Variants in MLKL observed in about 807,000 individuals in gnomAD.
The protein encoded by MLKL is mixed lineage kinase domain-like protein.
A neutral mutation model predicts 56.5 loss-of-function variants in MLKL; 55 were observed. That is an observed-to-expected ratio of 0.97 (90% CI 0.78 to 1.22). The LOEUF (loss-of-function observed/expected upper bound fraction) is 1.22, where lower values mean the gene tolerates loss of function less well. Among genes scored for constraint, MLKL ranks in the 50% most tolerant of loss-of-function variants. The probability of loss-of-function intolerance (pLI) is 0.00; values close to 1 mark genes in which losing one functional copy is unlikely to be tolerated. For missense variants in MLKL, 694 were observed against 573.9 expected (o/e 1.21, Z -2.14); for synonymous variants, 251 against 208.3 (o/e 1.20, Z -1.76).
intron 4 of MLKL, among the ~76,000 whole-genome samples, chr16:74,690,193 A>C (rs1268383542): frequency 6.6e-6 from 1 of 152,234 alleles, no homozygotes; most frequent in Admixed American, 6.5e-5. Context: ...AAAAACAGAA[A>C]TGCAAGTTCA....
At chr16:74,676,352 C>T (rs758060926) in intron 7 of MLKL, 80 of 985,418 alleles carry the variant, frequency 8.1e-5, no homozygotes, top group Non-Finnish European at 9.3e-5. Context: ...ATGTTCTTGT[C>T]CCATGCACAC....
chr16:74,697,028 T>A (rs1432052710), intron 1 of MLKL, among the ~76,000 whole-genome samples: 1 of 147,364 alleles, frequency 6.8e-6, no homozygotes, highest in African/African-American at 2.5e-5. Context: ...TATATAGTAA[T>A]ACATATATAT....
intron 7 of MLKL, chr16:74,678,531 C>G: frequency 4.8e-6 from 1 of 208,542 alleles, no homozygotes; most frequent in South Asian, 7.6e-5. Flanking sequence ...TGCCTGTAAT[C>G]CCAGCACTTT....
chr16:74,678,968 T>C lies in MLKL; in HGVS notation c.969A>G (p.Ser323=). The part of the protein sequence containing the change: ...AARGLYRLHH[S]EAPELHGKIR... ...TTTTTCCGTGGAGTTCAGGTGCTTC[T>C]GAATGGTGTAGCCTGACACAGCCAA... Residue 323 remains serine, a synonymous_variant, in exon 7 of 11, where the codon TCA becomes TCG. Transcript: ENST00000308807. 6.2e-7 allele frequency: 1 copy of C among 1,613,988 alleles called. No individual in the cohort carries two copies. The highest frequency in any genetic ancestry group is 8.5e-7 in the Non-Finnish European group (1 of 1,179,928).
chr16:74,679,308 A>G (rs1959796608), intron 6 of MLKL, among the ~76,000 whole-genome samples: 3 of 152,170 alleles, frequency 2.0e-5, no homozygotes, highest in African/African-American at 7.2e-5. Context: ...GCTCAGAGGC[A>G]TGGCTGGGTG....
chr16:74,694,755 C>T (rs1193481388), intron 2 of MLKL, among the ~76,000 whole-genome samples: 8 of 152,152 alleles, frequency 5.3e-5, no homozygotes. Context: ...GAGACCCTGT[C>T]TCAAAAAATG....
rs751486602 is a variant in MLKL at position 74,675,017 on chromosome 16, G to A, written c.1324C>T (p.Arg442Trp). Residue 442 changes from arginine to tryptophan, a missense_variant, in exon 10 of 11, where the codon CGG becomes TGG. Coordinates refer to ENST00000308807, the MANE Select transcript of MLKL (RefSeq NM_152649.4). ...GCCCGGCACTCATCAATGATCTCCC[G>A]CAGCTCTGAAGGGCAGTCTTCACCC... ...PLGEDCPSEL[R>W]EIIDECRAHD... 3.5e-5 allele frequency: 56 copies of A among 1,613,978 alleles called. No homozygotes were observed. Among genetic ancestry groups the A allele is most frequent in the Middle Eastern group, 1.6e-4 (1 of 6,084 alleles).
At chr16:74,678,361 C>G (rs1959734470) in intron 7 of MLKL, 1 of 157,006 alleles carries the variant, frequency 6.4e-6, no homozygotes, top group East Asian at 1.9e-4. Context: ...TAGCCCATCC[C>G]TGCTAAATGG....
intron 6 of MLKL, among the ~76,000 whole-genome samples, chr16:74,681,521 C>T (rs1487019518): frequency 6.6e-6 from 1 of 151,276 alleles, no homozygotes; most frequent in Non-Finnish European, 1.5e-5. Context: ...CGGCCGGGCG[C>T]GGTGGCTCAC....
chr16:74,691,442 T>C lies in MLKL; in HGVS notation c.557A>G (p.Gln186Arg), dbSNP rs762075271. The C allele has an allele frequency of 6.2e-7, 1 of 1,613,568 alleles. No homozygotes were observed. Among genetic ancestry groups the C allele is most frequent in the Non-Finnish European group, 8.5e-7 (1 of 1,179,906 alleles). The change falls in exon 4 of 11, where the codon CAG becomes CGG. Residue 186 changes from glutamine (Q) to arginine (R), a missense_variant. Gln to Arg is a conservative substitution (Grantham distance 43). Coordinates refer to ENST00000308807, the MANE Select transcript of MLKL (RefSeq NM_152649.4). ...CTTGATTTGCTCTTGCGGGATCTCC[T>C]GCATGCATTTTGGTGGTAAATCTGA... ...LRQYLPPKCMQEIPQEQIKEI... is the reference protein window; with the variant it reads ...LRQYLPPKCMREIPQEQIKEI...
intron 4 of MLKL, among the ~76,000 whole-genome samples, chr16:74,689,396 G>A (rs1474630570): frequency 6.6e-6 from 1 of 152,078 alleles, no homozygotes; most frequent in African/African-American, 2.4e-5. Context: ...GATTACAGGC[G>A]TGAGCCACTG....
chr16:74,674,746 A>G (rs895510381), intron 10 of MLKL, among the ~76,000 whole-genome samples: 1 of 152,070 alleles, frequency 6.6e-6, no homozygotes, highest in Non-Finnish European at 1.5e-5. Context: ...CCCAGCCATC[A>G]TCCTTGGCCT....
chr16:74,695,808 T>C (rs1270996855), intron 1 of MLKL, 49 bp from the exon 2 acceptor site: 2 of 1,476,908 alleles, frequency 1.4e-6, no homozygotes, highest in Admixed American at 2.1e-5. Context: ...CTCCTGCATA[T>C]TCACTACTTG....
At chr16:74,695,154 G>A (rs1960950390) in intron 2 of MLKL, 144 bp downstream of exon 2, 1 of 860,904 alleles carries the variant, frequency 1.2e-6, no homozygotes, top group Admixed American at 2.7e-5. Context: ...TTACAGGCGA[G>A]AGCCATCGCG....
chr16:74,694,974 G>A (rs985156797), intron 2 of MLKL, among the ~76,000 whole-genome samples: 1 of 152,134 alleles, frequency 6.6e-6, no homozygotes, highest in Non-Finnish European at 1.5e-5. Context: ...CCGGGTTCAC[G>A]CTGTTCTCCT....
At chr16:74,691,226 G>A (rs760070170) in intron 4 of MLKL, 51 bp downstream of exon 4, 4 of 1,506,008 alleles carry the variant, frequency 2.7e-6, no homozygotes, top group Non-Finnish European at 3.6e-6. Flanking sequence ...TCTCCTTGGA[G>A]AGTTAGAGTA....
chr16:74,682,839 A>T (rs529568474), intron 5 of MLKL, 53 bp from the exon 6 acceptor site: 1 of 1,600,662 alleles, frequency 6.2e-7, no homozygotes, highest in Non-Finnish European at 8.5e-7. Context: ...GAAGCTTCCC[A>T]TGTCTGCAGC....
intron 1 of MLKL, among the ~76,000 whole-genome samples, chr16:74,696,087 C>G (rs1400825252): frequency 6.6e-6 from 1 of 152,168 alleles, no homozygotes. Context: ...TGTGCCGCCT[C>G]CTCACACTCT....
chr16:74,678,806 G>C, intron 7 of MLKL, 93 bp downstream of exon 7: 1 of 894,860 alleles, frequency 1.1e-6, no homozygotes, highest in East Asian at 2.5e-5. Context: ...AATAAACTAA[G>C]ACAAGAATCA....
Sources: gnomAD v4.1 joint callset for allele counts (sites outside exome capture counted in the v4.1 genomes callset) on GRCh38, gnomAD v4.1.1 for gene constraint, MANE v1.5 for transcripts, NCBI Gene and HGNC (gene_info 2026-07-23, HGNC 2026-07-21) for gene names.